CSMD1: variants seen among roughly 807,000 people sequenced by gnomAD.
The protein encoded by CSMD1 is CUB and Sushi multiple domains 1.
CSMD1 carries 213 observed loss-of-function variants against 417.5 expected under a neutral mutation model. That is an observed-to-expected ratio of 0.51 (90% CI 0.46 to 0.57). The LOEUF (loss-of-function observed/expected upper bound fraction) is 0.57. Ranked by LOEUF, CSMD1 falls within the 20% of genes least tolerant of loss-of-function variation. The pLI is 0.00. For missense variants in CSMD1, 6,923 were observed against 4,529.7 expected, an observed-to-expected ratio of 1.53 and a Z score of -15.17; for synonymous variants, 2,862 against 1,736.8, an observed-to-expected ratio of 1.65 and a Z score of -16.11.
At chr8:4,912,149 A>AAGAAAAGAACG (rs1262093613) in intron 1 of CSMD1, among the ~76,000 whole-genome samples, 2 of 147,142 alleles carry the variant, frequency 1.4e-5, no homozygotes, top group Non-Finnish European at 3.0e-5. Context: ...AAAGAAAGAA[A>AAGAAAAGAACG]GAAAAGAAAA....
intron 2 of CSMD1, among the ~76,000 whole-genome samples, chr8:4,565,818 T>C (rs1798581781): frequency 6.9e-6 from 1 of 144,604 alleles, no homozygotes; most frequent in South Asian, 2.2e-4. Flanking sequence ...ATATATTATA[T>C]ACACACAGAC....
At chr8:4,263,413 G>C (rs1257959770) in intron 3 of CSMD1, among the ~76,000 whole-genome samples, 1 of 152,080 alleles carries the variant, frequency 6.6e-6, no homozygotes, top group African/African-American at 2.4e-5. Flanking sequence ...ATTACATTCA[G>C]GTAAACAAAA....
intron 7 of CSMD1, chr8:3,702,250 A>G (rs978848354): frequency 2.0e-5 from 3 of 152,204 alleles, no homozygotes; most frequent in Non-Finnish European, 4.4e-5. Flanking sequence ...TCCTCCGTAC[A>G]CAGCATGTCC....
chr8:4,044,730 G>A (rs981612963), intron 3 of CSMD1, among the ~76,000 whole-genome samples: 8 of 152,066 alleles, frequency 5.3e-5, no homozygotes. Context: ...CCCTGGACAC[G>A]TACCACCCTG....
At chr8:3,136,587 G>A (rs1194339119) in intron 41 of CSMD1, among the ~76,000 whole-genome samples, 1 of 152,006 alleles carries the variant, frequency 6.6e-6, no homozygotes, top group African/African-American at 2.4e-5. Flanking sequence ...ATTTCTGGTA[G>A]CGACGGAAGA....
At chr8:4,274,045 T>G (rs1424584517) in intron 3 of CSMD1, among the ~76,000 whole-genome samples, 1 of 152,062 alleles carries the variant, frequency 6.6e-6, no homozygotes, top group East Asian at 1.9e-4. Flanking sequence ...AAATGCAGAG[T>G]TGAAGTAAGA....
intron 3 of CSMD1, among the ~76,000 whole-genome samples, chr8:4,190,199 C>A (rs1458025859): frequency 7.0e-6 from 1 of 142,758 alleles, no homozygotes; most frequent in Admixed American, 7.5e-5. Context: ...GTGGAGCTTG[C>A]AGTGAGCTGA....
At chr8:4,673,046 A>G (rs1309794257) in intron 1 of CSMD1, among the ~76,000 whole-genome samples, 1 of 151,644 alleles carries the variant, frequency 6.6e-6, no homozygotes, top group Non-Finnish European at 1.5e-5. Flanking sequence ...CACAACACAC[A>G]CACAAACATG....
intron 22 of CSMD1, among the ~76,000 whole-genome samples, chr8:3,343,914 A>G (rs567486694): frequency 1.8e-4 from 28 of 152,290 alleles, no homozygotes; most frequent in Middle Eastern, 3.4e-3. Context: ...CTAAAGGACA[A>G]CAAGATGTGC....
chr8:3,460,000 G>A (rs1348002994), intron 12 of CSMD1, among the ~76,000 whole-genome samples: 1 of 152,214 alleles, frequency 6.6e-6, no homozygotes, highest in East Asian at 1.9e-4. Flanking sequence ...CTCTAAGGAT[G>A]CAGCTATACA....
chr8:4,476,713 A>T (rs1429983117), intron 2 of CSMD1, among the ~76,000 whole-genome samples: 2 of 152,092 alleles, frequency 1.3e-5, no homozygotes, highest in Non-Finnish European at 2.9e-5. Flanking sequence ...TTCACCACTC[A>T]CTTTATGAAT....
intron 3 of CSMD1, among the ~76,000 whole-genome samples, chr8:4,095,853 A>G (rs1049690535): frequency 3.3e-5 from 5 of 152,158 alleles, no homozygotes; most frequent in Non-Finnish European, 7.3e-5. Flanking sequence ...AAAACTTTTT[A>G]AAGTGTTGAA....
In CSMD1 at chr8:3,668,554, T is replaced by C. The variant is rs79851899; in HGVS notation, c.1009+39860A>G. Among the ~76,000 whole-genome samples, 23 of 152,130 alleles carry C rather than the reference T, an allele frequency of 1.5e-4. No homozygotes were observed. The East Asian group carries it at 4.3e-3, about 28-fold the overall frequency. The stretch of plus-strand genomic sequence containing the variant: ...TGGTCCTATTCCTTACCACAGGTAA[T>C]ATGCAAAGGGGATCAAGCCTGGTCC... On this transcript the variant is annotated intron_variant, in intron 7 of 69. Transcript: ENST00000635120.
chr8:4,501,996 G>T (rs1802283064), intron 2 of CSMD1, among the ~76,000 whole-genome samples: 1 of 152,104 alleles, frequency 6.6e-6, no homozygotes, highest in Non-Finnish European at 1.5e-5. Context: ...TAATGGGCAT[G>T]CAAGACTCAG....
intron 1 of CSMD1, among the ~76,000 whole-genome samples, chr8:4,717,446 T>TAC (rs1292072544): frequency 3.3e-5 from 5 of 150,434 alleles, no homozygotes; most frequent in East Asian, 3.9e-4. Context: ...ACTATATATA[T>TAC]ACACACACTA....
chr8:3,940,024 C>A (rs1425897347), intron 5 of CSMD1, among the ~76,000 whole-genome samples: 2 of 151,914 alleles, frequency 1.3e-5, no homozygotes, highest in South Asian at 2.1e-4. Flanking sequence ...AAAAATAAAT[C>A]CATGTTTTAA....
rs1563324666 is a variant in CSMD1 at position 3,087,254 on chromosome 8, C to A, written c.7317G>T (p.Lys2439Asn). ...CAGTCCTGTTTAGAATACCCCCATT[C>A]TTCAGGGGGTGGGTCAAACTGCAGT... ...APYCSLTHPLKNGGILNRTAG... is the reference protein window; with the variant it reads ...APYCSLTHPLNNGGILNRTAG... The change falls in exon 49 of 70, where the codon AAG (lysine) becomes AAT (asparagine). Residue 2439 changes from lysine to asparagine, a missense_variant. By Grantham distance (94) the Lys-to-Asn change is moderately conservative. Transcript: ENST00000635120. 6.2e-7 allele frequency: 1 copy of A among 1,613,970 alleles called. No individual in the cohort carries two copies. The highest frequency in any genetic ancestry group is 8.5e-7 in the Non-Finnish European group (1 of 1,179,878).
intron 3 of CSMD1, among the ~76,000 whole-genome samples, chr8:4,038,317 A>G (rs1797720159): frequency 6.6e-6 from 1 of 152,184 alleles, no homozygotes; most frequent in Admixed American, 6.5e-5. Flanking sequence ...CGCAAAACAG[A>G]CATAGTATTA....
At chr8:4,276,886 A>G (rs1277422125) in intron 3 of CSMD1, among the ~76,000 whole-genome samples, 2 of 152,334 alleles carry the variant, frequency 1.3e-5, no homozygotes, top group South Asian at 2.1e-4. Flanking sequence ...ACATTTAAAT[A>G]CATAGTTAAA....
Sources: allele counts gnomAD v4.1 joint callset (sites outside exome capture counted in the v4.1 genomes callset), GRCh38; gene constraint gnomAD v4.1.1; transcripts MANE v1.5; gene names NCBI Gene and HGNC (gene_info 2026-07-23, HGNC 2026-07-21).